The following ZFYVE28 variants were observed in gnomAD, a reference collection of about 807,000 sequenced individuals.
The protein encoded by ZFYVE28 is lateral signaling target protein 2 homolog.
Under a neutral mutation model 82.1 loss-of-function variants are expected in ZFYVE28, and 40 were observed. The observed-to-expected ratio is 0.49, with a 90% CI of 0.38 to 0.63. The LOEUF (loss-of-function observed/expected upper bound fraction) is 0.63. Ranked by LOEUF, ZFYVE28 falls within the 30% of genes least tolerant of loss-of-function variation. ZFYVE28 has a pLI of 0.00. For missense variants in ZFYVE28, 1,321 were observed against 1,242.1 expected (o/e 1.06, Z -0.96); for synonymous variants, 612 against 546.1 (o/e 1.12, Z -1.68).
At chr4:2,353,837 G>T in intron 2 of ZFYVE28, 96 bp downstream of exon 2, 8 of 1,282,508 alleles carry the variant, frequency 6.2e-6, no homozygotes, top group Non-Finnish European at 8.0e-6. Flanking sequence ...GCCACCACAG[G>T]GGGCCAGCAG....
chr4:2,383,523 ACTAATACTC>A (rs1417354164), intron 1 of ZFYVE28, among the ~76,000 whole-genome samples: 1 of 152,202 alleles, frequency 6.6e-6, no homozygotes, highest in African/African-American at 2.4e-5. Context: ...GTGAAAACAG[ACTAATACTC>A]CTTTCCCTTA....
intron 1 of ZFYVE28, chr4:2,364,935 G>C: frequency 1.0e-6 from 1 of 981,680 alleles, no homozygotes; most frequent in Non-Finnish European, 1.2e-6. Context: ...GCGGGGCCCA[G>C]CAGGGGCGGC....
chr4:2,306,817 T>A (rs1716649152), intron 7 of ZFYVE28: 1 of 152,220 alleles, frequency 6.6e-6, no homozygotes, highest in Admixed American at 6.5e-5. Context: ...TTGCCATAGG[T>A]CATTCATTCT....
Position 2,273,165 on chromosome 4 carries a change from G to A in ZFYVE28, c.2323+8C>T. 3.7e-6 allele frequency: 6 copies of A among 1,608,826 alleles called. No individual in the cohort carries two copies. The highest frequency in any genetic ancestry group is 5.1e-6 in the Non-Finnish European group (6 of 1,176,172). ...AGGCCTCAGAGCCCGTCCTGAGTGG[G>A]CACTCACCCTTCCTTAACTTTTCCT... On this transcript the variant is annotated splice_region_variant and intron_variant, in intron 10 of 12. Transcript: ENST00000290974.
chr4:2,367,525 T>C (rs1727016344), intron 1 of ZFYVE28, among the ~76,000 whole-genome samples: 1 of 152,240 alleles, frequency 6.6e-6, no homozygotes, highest in South Asian at 2.1e-4. Flanking sequence ...GCTGCTTATT[T>C]GTGAATTATT....
chr4:2,352,205 G>A (rs991490619), intron 2 of ZFYVE28, among the ~76,000 whole-genome samples: 6 of 152,172 alleles, frequency 3.9e-5, no homozygotes, highest in Non-Finnish European at 8.8e-5. Context: ...TGGGCCCTGT[G>A]AGATGCCCTC....
intron 1 of ZFYVE28, among the ~76,000 whole-genome samples, chr4:2,379,344 G>A (rs910174240): frequency 5.3e-5 from 8 of 152,178 alleles, no homozygotes; most frequent in African/African-American, 1.4e-4. Context: ...AAGGATTCTC[G>A]GCCCTCCCAG....
Position 2,393,051 on chromosome 4 carries a change from G to A in ZFYVE28, c.39+25234C>T, listed in dbSNP as rs181402723. Among the ~76,000 whole-genome samples the A allele has an allele frequency of 4.1e-3, 625 of 152,358 alleles. 3 individuals are homozygous for A. Among genetic ancestry groups the A allele is most frequent in the Middle Eastern group, 0.024 (7 of 294 alleles). On this transcript the variant is annotated intron_variant, in intron 1 of 12. Coordinates refer to ENST00000290974, the MANE Select transcript of ZFYVE28 (RefSeq NM_020972.3). ...AGGAATTGGATTCACAAAGCTCCCCGTGAAAGGGCCGCAGGCTGCGTCTGC... is the reference window on the plus strand; with the variant it reads ...AGGAATTGGATTCACAAAGCTCCCCATGAAAGGGCCGCAGGCTGCGTCTGC...
intron 1 of ZFYVE28, among the ~76,000 whole-genome samples, chr4:2,397,179 T>C (rs938089978): frequency 1.3e-5 from 2 of 152,136 alleles, no homozygotes; most frequent in African/African-American, 4.8e-5. Flanking sequence ...CGGCATTAAA[T>C]GTTATTGCTG....
intron 8 of ZFYVE28, among the ~76,000 whole-genome samples, chr4:2,284,450 A>G (rs1325931545): frequency 1.3e-5 from 2 of 152,186 alleles, no homozygotes; most frequent in Non-Finnish European, 2.9e-5. Context: ...TGGACAACCC[A>G]GCTTTCAGAG....
At chr4:2,274,490 C>G (rs1209718417) in intron 8 of ZFYVE28, among the ~76,000 whole-genome samples, 1 of 152,024 alleles carries the variant, frequency 6.6e-6, no homozygotes, top group Non-Finnish European at 1.5e-5. Context: ...CAGCTGGTGG[C>G]GACTCACCCA....
intron 5 of ZFYVE28, among the ~76,000 whole-genome samples, 178 bp downstream of exon 5, chr4:2,337,229 C>T (rs1316981081): frequency 6.6e-6 from 1 of 152,020 alleles, no homozygotes; most frequent in Non-Finnish European, 1.5e-5. Flanking sequence ...GGCCTCTACC[C>T]TCTGCCCACC....
intron 8 of ZFYVE28, among the ~76,000 whole-genome samples, chr4:2,284,653 A>T (rs898738112): frequency 6.6e-6 from 1 of 152,122 alleles, no homozygotes; most frequent in Admixed American, 6.5e-5. Context: ...GCCTGCTGGG[A>T]CATCTTGTCT....
chr4:2,301,113 G>A (rs1715448332), intron 8 of ZFYVE28, among the ~76,000 whole-genome samples: 1 of 150,526 alleles, frequency 6.6e-6, no homozygotes, highest in Non-Finnish European at 1.5e-5. Flanking sequence ...GTGTCTGTCT[G>A]TTTAAAAACC....
At chr4:2,410,314 G>A (rs535487470) in intron 1 of ZFYVE28, among the ~76,000 whole-genome samples, 25 of 152,196 alleles carry the variant, frequency 1.6e-4, no homozygotes, top group Admixed American at 2.6e-4. Context: ...TCTGCTTTCT[G>A]TCTCAATGGA....
chr4:2,271,329 G>A lies in ZFYVE28; in HGVS notation c.2514C>T (p.His838=). The change falls in exon 12 of 13, where the codon CAC becomes CAT. Residue 838 remains histidine, a synonymous_variant. Coordinates refer to ENST00000290974, the MANE Select transcript of ZFYVE28 (RefSeq NM_020972.3). ...CACCCACCTTCCCACAGCTGCGGCAGTGGTGCTTCCGGCGGATGACGGTGA... is the reference window on the plus strand; with the variant it reads ...CACCCACCTTCCCACAGCTGCGGCAATGGTGCTTCCGGCGGATGACGGTGA... ...APFTVIRRKH[H]CRSCGKIFCS... The A allele has an allele frequency of 6.2e-7, 1 of 1,613,006 alleles. No homozygotes were observed. The highest frequency in any genetic ancestry group is 8.5e-7 in the Non-Finnish European group (1 of 1,179,958).
rs1175791484 is a variant in ZFYVE28, at chr4:2,337,432, C to T, written c.586G>A (p.Val196Met). Residue 196 changes from valine (V) to methionine (M), a missense_variant, in exon 5 of 13, where the codon GTG (valine) becomes ATG (methionine). By Grantham distance (21) the Val-to-Met change is conservative. Around this residue, in one of 2 missense-constraint regions of ZFYVE28, gnomAD observed 343 missense variants for 408.4 expected, o/e 0.84. Transcript: ENST00000290974. ...REYYVQQEVIVLFCETVERAL... is the reference protein window; with the variant it reads ...REYYVQQEVIMLFCETVERAL... ...CTCTCCACCGTCTCGCAGAAGAGCA[C>T]GATGACCTCCTGCTGCACGTAGTAC... 8 of 1,609,498 alleles carry T rather than the reference C, an allele frequency of 5.0e-6. No individual in the cohort carries two copies. Among genetic ancestry groups the T allele is most frequent in the South Asian group, 1.1e-5 (1 of 90,034 alleles).
At chr4:2,295,109 T>C (rs538662750) in intron 8 of ZFYVE28, among the ~76,000 whole-genome samples, 1 of 152,378 alleles carries the variant, frequency 6.6e-6, no homozygotes, top group East Asian at 1.9e-4. Flanking sequence ...AACTCTCATA[T>C]GCTGTTGTTT....
At chr4:2,291,080 G>A (rs1037810491) in intron 8 of ZFYVE28, among the ~76,000 whole-genome samples, 1 of 152,212 alleles carries the variant, frequency 6.6e-6, no homozygotes, top group African/African-American at 2.4e-5. Context: ...AGCTCCTGTC[G>A]CCCTTCTCGT....
Sources: allele counts gnomAD v4.1 joint callset (sites outside exome capture counted in the v4.1 genomes callset), GRCh38; gene constraint gnomAD v4.1.1; regional missense constraint gnomAD v4.1.1; transcripts MANE v1.5; gene names NCBI Gene and HGNC (gene_info 2026-07-23, HGNC 2026-07-21).